The following SCN4B variants were observed in gnomAD, a reference collection of about 807,000 sequenced individuals.
SCN4B encodes sodium voltage-gated channel beta subunit 4.
In SCN4B, 20 loss-of-function variants were observed where a neutral mutation model predicts 19.6. The ratio of observed to expected loss-of-function variants is 1.02; its 90% confidence interval spans 0.72 to 1.48. The LOEUF (loss-of-function observed/expected upper bound fraction) is 1.48, where lower values mean the gene tolerates loss of function less well. SCN4B is among the 40% of genes most tolerant of loss of function. The probability of loss-of-function intolerance (pLI) is 0.00; values close to 1 mark genes in which losing one functional copy is unlikely to be tolerated. For synonymous variants in SCN4B, 127 were observed against 122.8 expected (o/e 1.03, Z -0.22); for missense variants, 271 against 287.5 (o/e 0.94, Z 0.42).
chr11:118,147,074 AG>A (rs1591437810), intron 1 of SCN4B, among the ~76,000 whole-genome samples: 1 of 152,206 alleles, frequency 6.6e-6, no homozygotes, highest in East Asian at 1.9e-4. Flanking sequence ...TCAGGTCTGG[AG>A]TGGAGCCTGA....
Position 118,135,188 on chromosome 11 carries a change from G to C in SCN4B, c.*1839C>G. 2.2e-6 allele frequency: 1 copy of C among 454,080 alleles called. No homozygotes were observed. The highest frequency in any genetic ancestry group is 1.6e-5 in the South Asian group (1 of 64,480). 28.1% of individuals were successfully genotyped at this position (454,080 alleles called of 1,614,324 possible). ...GAGCCCCAGCCCATGACAGGTTCTGGGTAGAGAAGAATGGGAGGCGCACAG... is the reference window on the plus strand; with the variant it reads ...GAGCCCCAGCCCATGACAGGTTCTGCGTAGAGAAGAATGGGAGGCGCACAG... On this transcript the variant is annotated 3_prime_UTR_variant, in exon 5 of 5. Coordinates refer to ENST00000324727, the MANE Select transcript of SCN4B (RefSeq NM_174934.4).
chr11:118,139,080 C>T (rs1162486227), intron 4 of SCN4B, among the ~76,000 whole-genome samples: 1 of 152,148 alleles, frequency 6.6e-6, no homozygotes, highest in African/African-American at 2.4e-5. Flanking sequence ...TGCAAGCCCT[C>T]GCCAGCTCCC....
rs1248859646 is a variant in SCN4B, at chr11:118,143,848, G to C, written c.448C>G (p.Gln150Glu). ...TACTGCATACGTCTATCAACGACTT[G>C]GAGGAAGATGGTGGCGTGGTGCTGG... ...NLQHHATIFL[Q>E]VVDRLEEVDN... The change falls in exon 3 of 5, where the codon CAA becomes GAA. Residue 150 changes from glutamine to glutamate, a missense_variant. By Grantham distance (29) the Gln-to-Glu change is conservative (BLOSUM62 2). Coordinates refer to ENST00000324727, the MANE Select transcript of SCN4B (RefSeq NM_174934.4). 1 of 1,612,380 alleles carries C rather than the reference G, an allele frequency of 6.2e-7. No homozygotes were observed. The highest frequency in any genetic ancestry group is 2.2e-5 in the East Asian group (1 of 44,892).
rs1408244550 is a variant in SCN4B, at chr11:118,139,905, TTTC to T, written c.593+1299_593+1301del. On this transcript the variant is annotated intron_variant, in intron 4 of 4. Coordinates refer to ENST00000324727, the MANE Select transcript of SCN4B (RefSeq NM_174934.4). Reference sequence around the variant, plus strand: ...TAGCATTCCTTTTTTTTTTTTCTTTTTTCTTTTTTTTTTTAAGAGACGAGCTCT... The same window carrying T: ...TAGCATTCCTTTTTTTTTTTTCTTTTTTTTTTTTTTTAAGAGACGAGCTCT... 7.5e-4 allele frequency among the ~76,000 whole-genome samples: 88 copies of T among 117,494 alleles called. 6 individuals carry two copies. The highest frequency in any genetic ancestry group is 2.0e-3 in the African/African-American group (65 of 31,936). 77.1% of individuals were successfully genotyped at this position (117,494 alleles called of 152,430 possible).
intron 1 of SCN4B, 57 bp downstream of exon 1, chr11:118,152,556 C>T: frequency 7.0e-7 from 1 of 1,432,648 alleles, no homozygotes; most frequent in East Asian, 2.3e-5. Flanking sequence ...TCTCGAGTGT[C>T]CCCTTCTTTG....
chr11:118,139,888 C>CTTTTTTT (rs5795120), intron 4 of SCN4B, among the ~76,000 whole-genome samples: 2 of 139,738 alleles, frequency 1.4e-5, no homozygotes, highest in African/African-American at 2.7e-5. Context: ...TCTAGCATTC[C>CTTTTTTT]TTTTTTTTTT....
At chr11:118,142,255 G>A (rs1948108867) in intron 3 of SCN4B, among the ~76,000 whole-genome samples, 1 of 152,132 alleles carries the variant, frequency 6.6e-6, no homozygotes, top group Admixed American at 6.5e-5. Flanking sequence ...ACACAATCTG[G>A]CTTGACCTGA....
At chr11:118,139,886 T>TG (rs1948071547) in intron 4 of SCN4B, among the ~76,000 whole-genome samples, 2 of 122,080 alleles carry the variant, frequency 1.6e-5, no homozygotes, top group African/African-American at 7.0e-5. Context: ...CATCTAGCAT[T>TG]CCTTTTTTTT....
intron 1 of SCN4B, among the ~76,000 whole-genome samples, chr11:118,151,385 T>C (rs1489475418): frequency 1.3e-5 from 2 of 152,206 alleles, no homozygotes; most frequent in Non-Finnish European, 2.9e-5. Context: ...AATGGCGCTG[T>C]GCCCACCCTG....
In SCN4B at chr11:118,135,220, C is replaced by T. The variant is rs1454436089; in HGVS notation, c.*1807G>A. Reference sequence around the variant, plus strand: ...AAGAATGGGAGGCGCACAGGCAGATCAGACGGGGAACTGGTGAGCCCAGCA... The same window carrying T: ...AAGAATGGGAGGCGCACAGGCAGATTAGACGGGGAACTGGTGAGCCCAGCA... On this transcript the variant is annotated 3_prime_UTR_variant, in exon 5 of 5. Coordinates refer to ENST00000324727, the MANE Select transcript of SCN4B (RefSeq NM_174934.4). 4.4e-6 allele frequency: 2 copies of T among 453,866 alleles called. No individual in the cohort carries two copies. The highest frequency in any genetic ancestry group is 8.8e-6 in the Non-Finnish European group (2 of 226,578). The allele number at this position is 453,866 out of a possible 1,614,324, so 28.1% of individuals were successfully genotyped here. A position where few individuals can be genotyped will look rare whatever the true frequency, so the allele number is the denominator to read the frequency against.
chr11:118,142,972 G>A (rs966392322), intron 3 of SCN4B: 8 of 152,244 alleles, frequency 5.3e-5, no homozygotes, highest in East Asian at 3.8e-4. Context: ...TTGAACTCAC[G>A]GGTGTCTCCC....
chr11:118,150,300 G>A (rs189156028), intron 1 of SCN4B, among the ~76,000 whole-genome samples: 1 of 152,256 alleles, frequency 6.6e-6, no homozygotes. Context: ...TAAGAAAAGG[G>A]TATTTTGTTA....
At chr11:118,147,522 T>C (rs1948192567) in intron 1 of SCN4B, among the ~76,000 whole-genome samples, 2 of 152,294 alleles carry the variant, frequency 1.3e-5, no homozygotes, top group African/African-American at 4.8e-5. Context: ...AGAAAAACAC[T>C]GCTATCAGGG....
chr11:118,152,549 C>T, intron 1 of SCN4B, 64 bp downstream of exon 1: 2 of 1,395,550 alleles, frequency 1.4e-6, no homozygotes, highest in Non-Finnish European at 2.0e-6. Context: ...TCTTCCTTCT[C>T]GAGTGTCCCC....
At position 118,136,760 on chromosome 11, in the gene SCN4B, A is replaced by G. The variant is rs1231823885; in HGVS notation, c.*267T>C. 1 of 590,036 alleles carries G rather than the reference A, an allele frequency of 1.7e-6. No homozygotes were observed. The highest frequency in any genetic ancestry group is 1.8e-5 in the African/African-American group (1 of 54,422). 36.6% of individuals were successfully genotyped at this position (590,036 alleles called of 1,614,324 possible). ...CCATCTGCCCAGGTGTCAGGGGACC[A>G]GCCCCTCCACACCACCCTAGCCTCT... On this transcript the variant is annotated 3_prime_UTR_variant, in exon 5 of 5. Transcript: ENST00000324727.
In SCN4B at chr11:118,134,354, G is replaced by A. The variant is rs1947962499; in HGVS notation, c.*2673C>T. 4.4e-6 allele frequency: 2 copies of A among 453,936 alleles called. No homozygotes were observed. Among genetic ancestry groups the A allele is most frequent in the Non-Finnish European group, 8.8e-6 (2 of 226,758 alleles). The allele number at this position is 453,936 out of a possible 1,614,324, so 28.1% of individuals were successfully genotyped here. A position where few individuals can be genotyped will look rare whatever the true frequency, so the allele number is the denominator to read the frequency against. On this transcript the variant is annotated 3_prime_UTR_variant, in exon 5 of 5. Coordinates refer to ENST00000324727, the MANE Select transcript of SCN4B (RefSeq NM_174934.4). ...TGGCTCTCTCTAGCCCACAAGCCCT[G>A]GAAGCCACCATCAGAGATTTGCATG...
chr11:118,150,341 G>A (rs1330787650), intron 1 of SCN4B, among the ~76,000 whole-genome samples: 1 of 152,164 alleles, frequency 6.6e-6, no homozygotes, highest in African/African-American at 2.4e-5. Flanking sequence ...GTCTCAGTCT[G>A]TGAGACTGGG....
chr11:118,140,607 T>G (rs1591433867), intron 4 of SCN4B, among the ~76,000 whole-genome samples: 1 of 152,224 alleles, frequency 6.6e-6, no homozygotes, highest in South Asian at 2.1e-4. Flanking sequence ...TTCCAAAAAT[T>G]TGGGGCCTGA....
Position 118,148,373 on chromosome 11 carries a change from G to T in SCN4B, c.62-3144C>A, listed in dbSNP as rs944416163. Among the ~76,000 whole-genome samples the T allele has an allele frequency of 6.6e-6, 1 of 152,202 alleles. No homozygotes were observed. Among genetic ancestry groups the T allele is most frequent in the African/African-American group, 2.4e-5 (1 of 41,444 alleles). ...CCTATGAGGCTGCTCTGGGGGAGAG[G>T]GGGGAACCAGGGGCAGGTGTTGGTC... On this transcript the variant is annotated intron_variant, in intron 1 of 4. Coordinates refer to ENST00000324727, the MANE Select transcript of SCN4B (RefSeq NM_174934.4). This position sits in a 1 kb window ranked among gnomAD's most constrained non-coding sequence, Gnocchi z 4.0.
Sources: allele counts gnomAD v4.1 joint callset (sites outside exome capture counted in the v4.1 genomes callset), GRCh38; gene constraint gnomAD v4.1.1; non-coding constraint Gnocchi (gnomAD v3.1); transcripts MANE v1.5; gene names NCBI Gene and HGNC (gene_info 2026-07-23, HGNC 2026-07-21).